The following SCHIP1 variants were observed in gnomAD, a reference collection of about 807,000 sequenced individuals.
The protein encoded by SCHIP1 is schwannomin interacting protein 1, also known as schwannomin-interacting protein 1.
SCHIP1 carries 8 observed loss-of-function variants against 29.7 expected under a neutral mutation model. The ratio of observed to expected loss-of-function variants is 0.27; its 90% CI spans 0.16 to 0.49. The LOEUF is 0.49. SCHIP1 is among the 20% of genes least tolerant of loss of function. The pLI is 0.99. For synonymous variants in SCHIP1, 76 were observed against 94.9 expected (o/e 0.80, Z 1.16); for missense variants, 193 against 294.6 (o/e 0.66, Z 2.52).
At chr3:159,358,617 A>G in the SCHIP1 span, among the ~76,000 whole-genome samples, 8 of 152,234 alleles carry the variant, frequency 5.3e-5, no homozygotes, top group South Asian at 2.1e-4. Context: ...AACTGCTTCA[A>G]TGAGAACTTG....
chr3:159,874,035 T>TA (rs756976408), intron 2 of SCHIP1, among the ~76,000 whole-genome samples: 26 of 152,304 alleles, frequency 1.7e-4, no homozygotes, highest in Non-Finnish European at 1.8e-4. Flanking sequence ...AGATAGTCTT[T>TA]ATTAATAGAT....
the SCHIP1 span, among the ~76,000 whole-genome samples, chr3:159,366,693 T>C: frequency 2.6e-5 from 4 of 152,180 alleles, no homozygotes; most frequent in Non-Finnish European, 4.4e-5. Context: ...ACACTGGATT[T>C]GGAGTTAAGA....
At chr3:159,623,461 A>G in the SCHIP1 span, among the ~76,000 whole-genome samples, 1 of 152,086 alleles carries the variant, frequency 6.6e-6, no homozygotes, top group Non-Finnish European at 1.5e-5. Flanking sequence ...CCACGTCTCT[A>G]CTAAAAACAC....
At chr3:159,696,807 G>C in the SCHIP1 span, among the ~76,000 whole-genome samples, 1 of 152,234 alleles carries the variant, frequency 6.6e-6, no homozygotes, top group Non-Finnish European at 1.5e-5. Context: ...ACCAGGAAAA[G>C]AGATCAGCCC....
chr3:159,644,671 A>G, the SCHIP1 span, among the ~76,000 whole-genome samples: 1 of 152,170 alleles, frequency 6.6e-6, no homozygotes, highest in East Asian at 1.9e-4. Context: ...ACAACTCTGC[A>G]TATTGAATAA....
the SCHIP1 span, among the ~76,000 whole-genome samples, chr3:159,750,296 T>TATATATAC: frequency 7.5e-5 from 10 of 132,730 alleles, no homozygotes; most frequent in Non-Finnish European, 1.1e-4. Context: ...TATATATATA[T>TATATATAC]ACACACACAC....
intron 1 of SCHIP1, among the ~76,000 whole-genome samples, chr3:159,860,349 C>T (rs774040211): frequency 2.0e-5 from 3 of 152,124 alleles, no homozygotes; most frequent in Non-Finnish European, 4.4e-5. Flanking sequence ...CCTGCAAAAC[C>T]TCTAACCTTT....
At chr3:159,595,531 G>A in the SCHIP1 span, among the ~76,000 whole-genome samples, 25 of 152,228 alleles carry the variant, frequency 1.6e-4, no homozygotes, top group Non-Finnish European at 2.8e-4. Flanking sequence ...CAGGAGCCAT[G>A]CAAACCTTGA....
intron 3 of SCHIP1, chr3:159,887,121 T>C (rs1717043158): frequency 1.3e-5 from 2 of 152,876 alleles, no homozygotes; most frequent in South Asian, 4.1e-4. Context: ...AGATATGCTC[T>C]AAAAATTATA....
the SCHIP1 span, among the ~76,000 whole-genome samples, chr3:159,687,905 C>T: frequency 2.0e-5 from 3 of 152,172 alleles, 1 homozygote; most frequent in South Asian, 6.2e-4. Flanking sequence ...CCAGCTTCAT[C>T]CATGTCCCTG....
the SCHIP1 span, among the ~76,000 whole-genome samples, chr3:159,341,104 A>G: frequency 6.6e-6 from 1 of 152,094 alleles, no homozygotes; most frequent in Non-Finnish European, 1.5e-5. Context: ...CTTACGGCCC[A>G]GCTGGCATGA....
At chr3:159,846,630 T>C (rs984547993) in intron 1 of SCHIP1, among the ~76,000 whole-genome samples, 1 of 152,234 alleles carries the variant, frequency 6.6e-6, no homozygotes, top group Non-Finnish European at 1.5e-5. Flanking sequence ...CAAAGCATTT[T>C]AGTGCTCTAT....
chr3:159,603,807 T>C, the SCHIP1 span, among the ~76,000 whole-genome samples: 1 of 152,258 alleles, frequency 6.6e-6, no homozygotes, highest in Admixed American at 6.5e-5. Flanking sequence ...GACTGGGAAG[T>C]TCAACATCTA....
the SCHIP1 span, among the ~76,000 whole-genome samples, chr3:159,581,800 T>A: frequency 6.6e-6 from 1 of 152,210 alleles, no homozygotes; most frequent in Non-Finnish European, 1.5e-5. Context: ...AGGGTAAACA[T>A]ATAGATCAAT....
chr3:159,403,427 T>A, the SCHIP1 span, among the ~76,000 whole-genome samples: 4,553 of 152,268 alleles, frequency 0.03, 255 homozygotes, highest in African/African-American at 0.1. Context: ...CAACACCACC[T>A]CACACCAATC....
the SCHIP1 span, among the ~76,000 whole-genome samples, chr3:159,464,754 T>C: frequency 1.7e-4 from 26 of 152,290 alleles, no homozygotes; most frequent in African/African-American, 6.0e-4. Context: ...TTCAAGTGTA[T>C]TGATTTTCAT....
chr3:159,774,820 C>T, the SCHIP1 span, among the ~76,000 whole-genome samples: 1 of 152,308 alleles, frequency 6.6e-6, no homozygotes, highest in African/African-American at 2.4e-5. Flanking sequence ...TCAGATTTTC[C>T]AATTATTGCC....
In SCHIP1 at chr3:159,867,279, T is replaced by C. The variant is rs74898528; in HGVS notation, c.149+998T>C. On this transcript the variant is annotated intron_variant, in intron 2 of 6. Transcript: ENST00000445224. ...ACTCAGTTATTTTACCATCTTAAGC[T>C]AGGCATTGGAAACAAATTATAGTAT... Among the ~76,000 whole-genome samples the C allele has an allele frequency of 2.0e-3, 298 of 152,320 alleles. 12 individuals are homozygous for C. In the East Asian group the frequency reaches 0.054, roughly 28 times the overall value.
the SCHIP1 span, among the ~76,000 whole-genome samples, chr3:159,297,930 G>A: frequency 6.6e-6 from 1 of 152,144 alleles, no homozygotes; most frequent in Non-Finnish European, 1.5e-5. Context: ...TCAACATACT[G>A]TATTTTTCCT....
Sources: gnomAD v4.1 joint callset for allele counts (sites outside exome capture counted in the v4.1 genomes callset) on GRCh38, gnomAD v4.1.1 for gene constraint, MANE v1.5 for transcripts, NCBI Gene and HGNC (gene_info 2026-07-23, HGNC 2026-07-21) for gene names.